Variants in TLK1 observed in about 807,000 individuals in gnomAD.
The protein encoded by TLK1 is tousled like kinase 1, also known as serine/threonine-protein kinase tousled-like 1.
Under a neutral mutation model 105.3 loss-of-function variants are expected in TLK1, and 24 were observed. That is an observed-to-expected ratio of 0.23 (90% CI 0.17 to 0.32). The LOEUF (loss-of-function observed/expected upper bound fraction) is 0.32, where lower values mean the gene tolerates loss of function less well. Ranked by LOEUF, TLK1 falls within the 10% of genes least tolerant of loss-of-function variation. The pLI is 1.00. For synonymous variants in TLK1, 321 were observed against 310.4 expected, an observed-to-expected ratio of 1.03 and a Z score of -0.36; for missense variants, 558 against 910.5, an observed-to-expected ratio of 0.61 and a Z score of 4.98.
intron 3 of TLK1, among the ~76,000 whole-genome samples, chr2:171,066,541 A>T (rs1367472480): frequency 1.3e-5 from 2 of 152,208 alleles, no homozygotes; most frequent in African/African-American, 2.4e-5. Flanking sequence ...TACTCCAAAG[A>T]AATGTAATAT....
At chr2:171,165,721 A>T (rs1464093846), upstream of TLK1, among the ~76,000 whole-genome samples, 2 of 152,004 alleles carry the variant, frequency 1.3e-5, no homozygotes, top group East Asian at 1.9e-4. Context: ...GACCAGCCTG[A>T]CCAACATGGT....
At chr2:171,099,778 T>G (rs772138278) in intron 2 of TLK1, among the ~76,000 whole-genome samples, 1 of 152,234 alleles carries the variant, frequency 6.6e-6, no homozygotes, top group Non-Finnish European at 1.5e-5. Flanking sequence ...TCAACAAATG[T>G]TGCTGAGACA....
intron 11 of TLK1, among the ~76,000 whole-genome samples, chr2:171,034,611 G>A (rs550024978): frequency 2.6e-5 from 4 of 152,292 alleles, no homozygotes; most frequent in African/African-American, 9.6e-5. Flanking sequence ...ATTACTTAAC[G>A]TGCACAGTGT....
At chr2:171,166,506 C>T (rs1361950827) in intron 1 of TLK1, among the ~76,000 whole-genome samples, 1 of 152,236 alleles carries the variant, frequency 6.6e-6, no homozygotes, top group Non-Finnish European at 1.5e-5. Flanking sequence ...GTTCACTGAC[C>T]TTGTTAGGGT....
At chr2:170,996,909 T>C in intron 19 of TLK1, 149 bp from the exon 20 acceptor site, 1 of 670,652 alleles carries the variant, frequency 1.5e-6, no homozygotes, top group Admixed American at 3.1e-5. Flanking sequence ...TGAGATGAAT[T>C]CTCATACAAA....
In TLK1 at chr2:171,056,654, A is replaced by G; in HGVS notation, c.454-88T>C. ...TATGACATTAAGAATTAATCTAAAT[A>G]TACCTAATTTTAAAATAAGTAGTCA... is the stretch of plus-strand genomic sequence containing the variant. On this transcript the variant is annotated intron_variant, in intron 5 of 20. Transcript: ENST00000431350. The G allele has an allele frequency of 2.9e-6, 3 of 1,049,248 alleles. 1 individual carries two copies. In the South Asian group the frequency reaches 4.5e-5, roughly 16 times the overall value. 65.0% of individuals were successfully genotyped at this position (1,049,248 alleles called of 1,614,324 possible). A position where few individuals can be genotyped will look rare whatever the true frequency, so the allele number is the denominator to read the frequency against.
chr2:171,057,177 T>A (rs1164596518), intron 5 of TLK1, among the ~76,000 whole-genome samples: 1 of 152,068 alleles, frequency 6.6e-6, no homozygotes, highest in African/African-American at 2.4e-5. Context: ...TTCTCCTATT[T>A]CAAGTTCACA....
chr2:171,046,308 A>T lies in TLK1; in HGVS notation c.1035T>A (p.Leu345=). The stretch of plus-strand genomic sequence containing the variant: ...CTGTGGGAGGTTTGCGTTTGGCTAG[A>T]AGTTTCCTTTGCCTTTCAATATCTT... ...QREDIERQRK[L]LAKRKPPTAN... Residue 345 remains leucine, a synonymous_variant, in exon 11 of 21, where the codon CTT becomes CTA. Transcript: ENST00000431350. The T allele has an allele frequency of 6.2e-7, 1 of 1,613,288 alleles. No individual in the cohort carries two copies.
In TLK1 at chr2:171,104,424, TAGAA is replaced by T. The variant is rs766452809; in HGVS notation, c.258+13311_258+13314del. Among the ~76,000 whole-genome samples, 5 of 151,516 alleles carry T rather than the reference TAGAA, an allele frequency of 3.3e-5. 1 individual carries two copies. Among genetic ancestry groups the T allele is most frequent in the East Asian group, 3.9e-4 (2 of 5,152 alleles). ...AAAAATTAAAGAGGACATAAAAAAA[TAGAA>T]AGACACCCCACGTTCATGAATTGGA... On this transcript the variant is annotated intron_variant, in intron 2 of 20. Coordinates refer to ENST00000431350, the MANE Select transcript of TLK1 (RefSeq NM_012290.5).
chr2:171,135,908 T>C (rs1691300469), intron 1 of TLK1, among the ~76,000 whole-genome samples: 1 of 152,184 alleles, frequency 6.6e-6, no homozygotes, highest in African/African-American at 2.4e-5. Flanking sequence ...AAAAAAGTGT[T>C]GTCAAGGATT....
intron 1 of TLK1, among the ~76,000 whole-genome samples, chr2:171,177,855 G>A (rs543412279): frequency 1.1e-4 from 17 of 152,184 alleles, no homozygotes; most frequent in African/African-American, 3.1e-4. Context: ...GTGAAATGGC[G>A]TGATCTTGGC....
intron 14 of TLK1, among the ~76,000 whole-genome samples, chr2:171,009,161 A>T (rs919713003): frequency 6.6e-6 from 1 of 152,178 alleles, no homozygotes; most frequent in Non-Finnish European, 1.5e-5. Flanking sequence ...AGTTAACAAA[A>T]AATAGTGCAT....
chr2:171,160,415 C>G lies in TLK1; in HGVS notation c.14G>C (p.Ser5Thr). MSVQ[S>T]SSGSLEGPPS... is the part of the protein sequence containing the mutation. ...CGGCCCCTCCAAACTTCCACTGCTA[C>G]TTTGGACACTCATCAAGCTACTTTC... is the stretch of plus-strand genomic sequence containing the variant. Residue 5 changes from serine to threonine, a missense_variant, in exon 1 of 21, where the codon AGT becomes ACT. This residue lies in a region of TLK1 where 104 missense variants were observed against 116.0 expected (regional missense o/e 0.90). Coordinates refer to ENST00000431350, the MANE Select transcript of TLK1 (RefSeq NM_012290.5). The surrounding 1 kb of genome is among the most constrained non-coding windows in gnomAD (Gnocchi z 4.4). 6.2e-7 allele frequency: 1 copy of G among 1,603,756 alleles called. No homozygotes were observed. Among genetic ancestry groups the G allele is most frequent in the Non-Finnish European group, 8.5e-7 (1 of 1,175,644 alleles).
At chr2:171,186,605 G>A (rs183043036) in intron 1 of TLK1, among the ~76,000 whole-genome samples, 1 of 152,280 alleles carries the variant, frequency 6.6e-6, no homozygotes, top group African/African-American at 2.4e-5. Flanking sequence ...GAGAAGCCCA[G>A]CACTAAAAGT....
chr2:171,057,571 G>GA lies in TLK1; in HGVS notation c.453+579dup, dbSNP rs566761053. ...GAACCCAAGAAAGAAAGCAGTGGTGGAAAAAAAAATCAGTCCTTCCCTTAA... is the reference window on the plus strand; with the variant it reads ...GAACCCAAGAAAGAAAGCAGTGGTGGAAAAAAAAAATCAGTCCTTCCCTTAA... On this transcript the variant is annotated intron_variant, in intron 5 of 20. Transcript: ENST00000431350. 5.2e-3 allele frequency among the ~76,000 whole-genome samples: 782 copies of GA among 150,810 alleles called. 8 individuals carry two copies. The highest frequency in any genetic ancestry group is 0.018 in the African/African-American group (726 of 41,238).
Position 171,055,217 on chromosome 2 carries a change from A to AC in TLK1, c.550-46_550-45insG, listed in dbSNP as rs768742023. 48 of 1,191,138 alleles carry AC rather than the reference A, an allele frequency of 4.0e-5. No homozygotes were observed. In the South Asian group the frequency reaches 7.1e-4, roughly 18 times the overall value. 73.8% of individuals were successfully genotyped at this position (1,191,138 alleles called of 1,614,324 possible). ...TTTTATATTAGCAAAAAAAAAAAAA[A>AC]AAAACACAAAACAAAACAGATTTCT... is the stretch of plus-strand genomic sequence containing the variant. On this transcript the variant is annotated intron_variant, in intron 6 of 20. Transcript: ENST00000431350.
intron 4 of TLK1, among the ~76,000 whole-genome samples, chr2:171,060,540 C>T (rs1687704158): frequency 6.6e-6 from 1 of 151,954 alleles, no homozygotes; most frequent in African/African-American, 2.4e-5. Flanking sequence ...ATTTAAGAGC[C>T]CAATTTATTA....
At chr2:171,062,946 CTT>C (rs1313530414) in intron 3 of TLK1, among the ~76,000 whole-genome samples, 2 of 152,170 alleles carry the variant, frequency 1.3e-5, no homozygotes, top group Non-Finnish European at 2.9e-5. Flanking sequence ...TAGTTTACTA[CTT>C]TTGTTTCATT....
intron 2 of TLK1, among the ~76,000 whole-genome samples, chr2:171,095,321 A>G (rs56382502): frequency 0.13 from 19,635 of 152,096 alleles, 2,154 homozygotes; most frequent in African/African-American, 0.3. Flanking sequence ...AGAAAAAAAA[A>G]CAATGAAACC....
Sources: gnomAD v4.1 joint callset for allele counts (sites outside exome capture counted in the v4.1 genomes callset) on GRCh38, gnomAD v4.1.1 for gene constraint, gnomAD v4.1.1 regional missense constraint, Gnocchi (gnomAD v3.1) non-coding constraint, MANE v1.5 for transcripts, NCBI Gene and HGNC (gene_info 2026-07-23, HGNC 2026-07-21) for gene names.